The following HS3ST4 variants were observed in gnomAD, a reference collection of about 807,000 sequenced individuals.
HS3ST4 encodes heparan sulfate glucosamine 3-O-sulfotransferase 4.
Under a neutral mutation model 29.2 loss-of-function variants are expected in HS3ST4, and 17 were observed. That is an observed-to-expected ratio of 0.58 (90% CI 0.40 to 0.87). The LOEUF (loss-of-function observed/expected upper bound fraction) is 0.87. Among genes scored for constraint, HS3ST4 ranks in the 40% least tolerant of loss-of-function variants. The pLI, the probability that HS3ST4 is intolerant of heterozygous loss-of-function variation, is 0.00. For synonymous variants in HS3ST4, 314 were observed against 285.7 expected (o/e 1.10, Z -1.00); for missense variants, 627 against 634.5 (o/e 0.99, Z 0.13).
intron 1 of HS3ST4, among the ~76,000 whole-genome samples, chr16:25,740,604 G>A (rs911230135): frequency 1.3e-5 from 2 of 152,112 alleles, no homozygotes; most frequent in African/African-American, 4.8e-5. Flanking sequence ...TTTTGTGGTG[G>A]CTAATTTAAA....
intron 1 of HS3ST4, among the ~76,000 whole-genome samples, chr16:25,864,111 G>C (rs960105432): frequency 2.0e-5 from 3 of 152,200 alleles, no homozygotes; most frequent in Admixed American, 2.0e-4. Context: ...ACACCACTCA[G>C]GCTGGGCTAG....
At chr16:26,105,044 A>G (rs1331660600) in intron 1 of HS3ST4, among the ~76,000 whole-genome samples, 2 of 152,190 alleles carry the variant, frequency 1.3e-5, no homozygotes, top group Non-Finnish European at 2.9e-5. Flanking sequence ...TTCAAGCCTT[A>G]TCCCCCGAAA....
At chr16:26,057,213 C>T (rs939599353) in intron 1 of HS3ST4, among the ~76,000 whole-genome samples, 1 of 152,190 alleles carries the variant, frequency 6.6e-6, no homozygotes, top group African/African-American at 2.4e-5. Flanking sequence ...GGGTACTCAA[C>T]CTGCCCTTGA....
intron 1 of HS3ST4, among the ~76,000 whole-genome samples, chr16:26,049,781 A>G (rs1328320014): frequency 1.3e-5 from 2 of 151,888 alleles, no homozygotes; most frequent in African/African-American, 4.8e-5. Context: ...GCTTCTCACA[A>G]CCCCCTCCTT....
chr16:26,007,636 C>T (rs992680350), intron 1 of HS3ST4, among the ~76,000 whole-genome samples: 1 of 152,222 alleles, frequency 6.6e-6, no homozygotes. Context: ...TGCACAGGCT[C>T]ACAAGATGAG....
chr16:25,963,537 C>G (rs988613413), intron 1 of HS3ST4, among the ~76,000 whole-genome samples: 1 of 152,240 alleles, frequency 6.6e-6, no homozygotes, highest in Non-Finnish European at 1.5e-5. Context: ...TGTTTTCACT[C>G]TCTTCCTGGC....
At chr16:25,791,324 G>A (rs1027146185) in intron 1 of HS3ST4, among the ~76,000 whole-genome samples, 1 of 152,082 alleles carries the variant, frequency 6.6e-6, no homozygotes, top group Non-Finnish European at 1.5e-5. Flanking sequence ...GCAAGTCTAA[G>A]CCCTTTAGGT....
At chr16:26,089,749 T>G (rs1314471975) in intron 1 of HS3ST4, among the ~76,000 whole-genome samples, 1 of 152,178 alleles carries the variant, frequency 6.6e-6, no homozygotes, top group Non-Finnish European at 1.5e-5. Flanking sequence ...ATCCAAAAAT[T>G]GGAACAATGA....
At chr16:25,841,092 C>T (rs546964869) in intron 1 of HS3ST4, among the ~76,000 whole-genome samples, 21 of 151,078 alleles carry the variant, frequency 1.4e-4, no homozygotes, top group African/African-American at 4.9e-4. Context: ...GCAGGCTCCG[C>T]CCCCCGGGGT....
At position 25,763,670 on chromosome 16, in the gene HS3ST4, C is replaced by T. The variant is rs148612940; in HGVS notation, c.734+70519C>T. Among the ~76,000 whole-genome samples the T allele has an allele frequency of 2.4e-4, 36 of 152,244 alleles. No homozygotes were observed. The East Asian group carries it at 6.9e-3, about 29-fold the overall frequency. On this transcript the variant is annotated intron_variant, in intron 1 of 1. Transcript: ENST00000331351. ...AGAGGGAAGGAATATGTGCGGGGCT[C>T]TGGAGCATGCATTCAGCTGGAAAGA...
At chr16:25,863,799 C>T (rs145670050) in intron 1 of HS3ST4, among the ~76,000 whole-genome samples, 12 of 152,346 alleles carry the variant, frequency 7.9e-5, no homozygotes, top group Middle Eastern at 3.4e-3. Context: ...CCTTGAACAT[C>T]GTGCTACTCA....
At chr16:25,814,659 G>A (rs950566266) in intron 1 of HS3ST4, among the ~76,000 whole-genome samples, 2 of 152,148 alleles carry the variant, frequency 1.3e-5, no homozygotes, top group Non-Finnish European at 2.9e-5. Context: ...CTGTTTTTTA[G>A]TGGAGATAAG....
intron 1 of HS3ST4, among the ~76,000 whole-genome samples, chr16:25,939,137 T>C (rs903145184): frequency 4.3e-4 from 65 of 152,088 alleles, no homozygotes; most frequent in African/African-American, 1.5e-3. Flanking sequence ...ACATACCTCA[T>C]TGGGCCAGGT....
intron 1 of HS3ST4, among the ~76,000 whole-genome samples, chr16:25,838,652 C>T (rs759194849): frequency 2.0e-5 from 3 of 152,086 alleles, no homozygotes; most frequent in Admixed American, 6.6e-5. Flanking sequence ...AACACCAGTC[C>T]CTTCTAAGTC....
chr16:25,877,932 A>T (rs919623225), intron 1 of HS3ST4, among the ~76,000 whole-genome samples: 1 of 152,142 alleles, frequency 6.6e-6, no homozygotes. Context: ...TTATCTCAGG[A>T]GCTTCCAGTC....
At chr16:25,723,928 A>G (rs1391804465) in intron 1 of HS3ST4, among the ~76,000 whole-genome samples, 1 of 152,166 alleles carries the variant, frequency 6.6e-6, no homozygotes, top group Non-Finnish European at 1.5e-5. Flanking sequence ...CTTGGCCAAC[A>G]TGGTGAAACC....
intron 1 of HS3ST4, among the ~76,000 whole-genome samples, chr16:25,851,384 G>T (rs1194778306): frequency 6.6e-6 from 1 of 152,134 alleles, no homozygotes; most frequent in East Asian, 1.9e-4. Flanking sequence ...TGATATTACA[G>T]AGCGGGCTCT....
At chr16:25,811,285 TCTC>T (rs1379998271) in intron 1 of HS3ST4, among the ~76,000 whole-genome samples, 1 of 151,946 alleles carries the variant, frequency 6.6e-6, no homozygotes, top group Non-Finnish European at 1.5e-5. Flanking sequence ...CCCCTCCTCT[TCTC>T]CTTCCTCCTC....
chr16:25,701,456 T>C (rs927835061), intron 1 of HS3ST4, among the ~76,000 whole-genome samples: 1 of 152,096 alleles, frequency 6.6e-6, no homozygotes, highest in African/African-American at 2.4e-5. Flanking sequence ...ATGAAATAGT[T>C]TCCCCATAGA....
Sources: gnomAD v4.1 joint callset for allele counts (sites outside exome capture counted in the v4.1 genomes callset) on GRCh38, gnomAD v4.1.1 for gene constraint, MANE v1.5 for transcripts, NCBI Gene and HGNC (gene_info 2026-07-23, HGNC 2026-07-21) for gene names.